Variants in NEB observed in about 807,000 individuals in gnomAD.
NEB encodes the protein nebulin.
Under a neutral mutation model 952.2 loss-of-function variants are expected in NEB, and 512 were observed. That is an observed-to-expected ratio of 0.54 (90% confidence interval 0.50 to 0.58). NEB has a LOEUF of 0.58. Among genes scored for constraint, NEB ranks in the 20% least tolerant of loss-of-function variants. NEB has a pLI of 0.00. For synonymous variants in NEB, 2,900 were observed against 3,149.8 expected, an observed-to-expected ratio of 0.92 and a Z score of 2.66; for missense variants, 8,428 against 9,231.1, an observed-to-expected ratio of 0.91 and a Z score of 3.56.
rs1338760721 is a variant in NEB, at chr2:151,723,421, T to G, written c.678A>C (p.Glu226Asp). The G allele has an allele frequency of 6.2e-7, 1 of 1,610,614 alleles. No homozygotes were observed. ...TCTGGGCCTGGGCAACTCTCCTCAG[T>G]TCCGGGCTATCATTATAGGGGTAAA... ...SLFYPYNDSPELRRVAQAQKA... is the reference protein window; with the variant it reads ...SLFYPYNDSPDLRRVAQAQKA... The change falls in exon 9 of 182, where the codon GAA becomes GAC. Residue 226 changes from glutamate (E) to aspartate (D), a missense_variant. Glu to Asp is a conservative substitution (Grantham distance 45). Around this residue, in one of 11 missense-constraint regions of NEB, gnomAD observed 2,851 missense variants for 2,791.5 expected, o/e 1.02. Coordinates refer to ENST00000397345, the MANE Select transcript of NEB (RefSeq NM_001164508.2).
intron 125 of NEB, among the ~76,000 whole-genome samples, chr2:151,554,254 T>G (rs1270847788): frequency 1.3e-5 from 2 of 152,176 alleles, no homozygotes; most frequent in Non-Finnish European, 2.9e-5. Context: ...CAGTGTCATA[T>G]GCATTGGTAA....
At chr2:151,724,824 T>G in intron 7 of NEB, 33 bp downstream of exon 7, 1 of 1,565,094 alleles carries the variant, frequency 6.4e-7, no homozygotes, top group Non-Finnish European at 8.8e-7. Context: ...CACATGCTAC[T>G]GAGTACCCCA....
At position 151,706,786 on chromosome 2, in the gene NEB, T is replaced by G. The variant is rs951649857; in HGVS notation, c.1152+95A>C. The G allele has an allele frequency of 4.6e-6, 4 of 874,476 alleles. No homozygotes were observed. The African/African-American group carries it at 5.1e-5, about 11-fold the overall frequency. The allele number at this position is 874,476 out of a possible 1,614,324, so 54.2% of individuals were successfully genotyped here. A position where few individuals can be genotyped will look rare whatever the true frequency, so the allele number is the denominator to read the frequency against. ...CTACCACTCCATAACCTTAATGTAT[T>G]TGCAAAGTTATATATTCATTTAGTC... On this transcript the variant is annotated intron_variant, in intron 13 of 181. Coordinates refer to ENST00000397345, the MANE Select transcript of NEB (RefSeq NM_001164508.2).
intron 135 of NEB, 47 bp downstream of exon 135, chr2:151,545,841 G>A: frequency 8.4e-7 from 1 of 1,190,320 alleles, no homozygotes; most frequent in South Asian, 1.3e-5. Context: ...AATTCAGTTT[G>A]TACTGGTCAA....
intron 20 of NEB, among the ~76,000 whole-genome samples, chr2:151,693,257 GT>G (rs2099572292): frequency 6.6e-6 from 1 of 151,764 alleles, no homozygotes; most frequent in African/African-American, 2.4e-5. Flanking sequence ...TTATTTTTTT[GT>G]TTGATTTCCA....
chr2:151,733,530 T>G (rs908023011), intron 2 of NEB, among the ~76,000 whole-genome samples, 182 bp downstream of exon 2: 1 of 152,138 alleles, frequency 6.6e-6, no homozygotes. Context: ...AGCAAAAATT[T>G]TAGTGAAAGG....
rs373105485 is a variant in NEB at position 151,514,347 on chromosome 2, C to T, written c.23098G>A (p.Ala7700Thr). 6.2e-7 allele frequency: 1 copy of T among 1,613,484 alleles called. No individual in the cohort carries two copies. The highest frequency in any genetic ancestry group is 1.3e-5 in the African/African-American group (1 of 74,914). The change falls in exon 159 of 182, where the codon GCA becomes ACA. Residue 7700 changes from alanine to threonine, a missense_variant. Physicochemically the swap from Ala to Thr is moderately conservative, Grantham distance 58. Transcript: ENST00000397345. ...TTGAGGATTTGAGTGGCATTCTTTG[C>T]TCTTAGCATGTCAGGTGTATCTTCC... ...EMEDTPDMLR[A>T]KNATQILNEK...
At chr2:151,537,839 T>G (rs949736399) in intron 140 of NEB, 33 bp downstream of exon 140, 4 of 1,400,294 alleles carry the variant, frequency 2.9e-6, no homozygotes, top group Non-Finnish European at 2.0e-6. Flanking sequence ...GAATATGAAT[T>G]TATATGTGAA....
intron 3 of NEB, among the ~76,000 whole-genome samples, chr2:151,731,946 C>T (rs763090892): frequency 1.2e-4 from 18 of 152,292 alleles, no homozygotes; most frequent in Admixed American, 7.2e-4. Context: ...CTGAGTGTTA[C>T]ATTGTACGAG....
intron 168 of NEB, among the ~76,000 whole-genome samples, 198 bp downstream of exon 168, chr2:151,501,193 G>A (rs1326260521): frequency 6.6e-6 from 1 of 152,016 alleles, no homozygotes; most frequent in Non-Finnish European, 1.5e-5. Flanking sequence ...AAGTTTTAAG[G>A]GACTATTATA....
chr2:151,568,837 T>A (rs940893652), intron 110 of NEB, 121 bp from the exon 111 acceptor site: 13 of 717,040 alleles, frequency 1.8e-5, no homozygotes, highest in Non-Finnish European at 2.9e-5. Flanking sequence ...TTGAATAGCG[T>A]CTTCTTGGGA....
intron 156 of NEB, among the ~76,000 whole-genome samples, chr2:151,517,192 A>C (rs1373713138): frequency 6.6e-6 from 1 of 152,226 alleles, no homozygotes; most frequent in African/African-American, 2.4e-5. Flanking sequence ...TGTATAAATA[A>C]AATTTTCTCA....
At chr2:151,696,034 C>T (rs2099593876) in intron 17 of NEB, among the ~76,000 whole-genome samples, 2 of 152,200 alleles carry the variant, frequency 1.3e-5, no homozygotes, top group South Asian at 4.1e-4. Context: ...ATTAAGAGTC[C>T]TCTCACAGAC....
intron 53 of NEB, 81 bp downstream of exon 53, chr2:151,650,493 T>G: frequency 6.7e-7 from 1 of 1,487,150 alleles, no homozygotes. Flanking sequence ...TAATTCCTAA[T>G]TTCTGCTTCT....
chr2:151,534,982 C>T (rs111519651), intron 142 of NEB, among the ~76,000 whole-genome samples: 3 of 152,122 alleles, frequency 2.0e-5, no homozygotes, highest in Admixed American at 6.5e-5. Flanking sequence ...AATTTTCTCA[C>T]GGAATTTTTG....
intron 153 of NEB, among the ~76,000 whole-genome samples, chr2:151,521,702 T>C (rs2082103536): frequency 6.6e-6 from 1 of 152,232 alleles, no homozygotes; most frequent in Non-Finnish European, 1.5e-5. Context: ...AGCAATCCCA[T>C]TGATTCCACT....
rs2049662559 is a variant in NEB at position 151,485,546 on chromosome 2, C to G, written c.*214G>C. ...AACATGTTTATAATGGAGAAAGACT[C>G]TAGGCACAGAAATAATATTGCAGAA... On this transcript the variant is annotated 3_prime_UTR_variant, in exon 182 of 182. Transcript: ENST00000397345. 1 of 414,168 alleles carries G rather than the reference C, an allele frequency of 2.4e-6. No individual in the cohort carries two copies. Among genetic ancestry groups the G allele is most frequent in the Admixed American group, 4.1e-5 (1 of 24,366 alleles). The allele number at this position is 414,168 out of a possible 1,614,324, so 25.7% of individuals were successfully genotyped here.
Position 151,568,783 on chromosome 2 carries a change from CT to C in NEB, c.17536-68del, listed in dbSNP as rs2096525563. 2.6e-6 allele frequency: 3 copies of C among 1,151,926 alleles called. No individual in the cohort carries two copies. The African/African-American group carries it at 4.6e-5, about 18-fold the overall frequency. 71.4% of individuals were successfully genotyped at this position (1,151,926 alleles called of 1,614,324 possible). Reference sequence around the variant, plus strand: ...GACATGTGTGAACTGAGAAGATACACTAAATTTAGAGTCCTTCTCTACTAGA... The same window carrying C: ...GACATGTGTGAACTGAGAAGATACACAAATTTAGAGTCCTTCTCTACTAGA... On this transcript the variant is annotated intron_variant, in intron 110 of 181. Transcript: ENST00000397345.
intron 18 of NEB, among the ~76,000 whole-genome samples, chr2:151,695,157 T>G (rs546100702): frequency 2.8e-4 from 42 of 152,230 alleles, no homozygotes; most frequent in African/African-American, 1.0e-3. Flanking sequence ...GCCCTTTCAA[T>G]CCCCTATATC....
Sources: allele counts gnomAD v4.1 joint callset (sites outside exome capture counted in the v4.1 genomes callset), GRCh38; gene constraint gnomAD v4.1.1; regional missense constraint gnomAD v4.1.1; transcripts MANE v1.5; gene names NCBI Gene and HGNC (gene_info 2026-07-23, HGNC 2026-07-21).